Variants in RGS6 observed in about 807,000 individuals in gnomAD.
RGS6 encodes the protein regulator of G-protein signaling 6.
A neutral mutation model predicts 78.5 loss-of-function variants in RGS6; 30 were observed. The observed-to-expected ratio is 0.38, with a 90% confidence interval of 0.29 to 0.52. RGS6 has a LOEUF of 0.52. Among genes scored for constraint, RGS6 ranks in the 20% least tolerant of loss-of-function variants. RGS6 has a pLI of 0.85. For synonymous variants in RGS6, 206 were observed against 206.0 expected (o/e 1.00, Z 0.00); for missense variants, 495 against 609.7 (o/e 0.81, Z 1.98).
At chr14:72,005,278 A>G (rs977484742) in intron 2 of RGS6, among the ~76,000 whole-genome samples, 12 of 152,318 alleles carry the variant, frequency 7.9e-5, no homozygotes, top group African/African-American at 2.9e-4. Context: ...CCCTGAGTAT[A>G]AGAATTATGG....
chr14:72,246,935 A>G (rs1333555955), intron 2 of RGS6, among the ~76,000 whole-genome samples: 6 of 151,016 alleles, frequency 4.0e-5, no homozygotes, highest in Non-Finnish European at 5.9e-5. Context: ...TATTGAAGAC[A>G]ATTTTGTTGT....
chr14:72,334,379 A>C (rs2075651801), intron 2 of RGS6, among the ~76,000 whole-genome samples: 1 of 152,228 alleles, frequency 6.6e-6, no homozygotes, highest in Admixed American at 6.5e-5. Context: ...GGAAGCTGGC[A>C]GGGCAGGGGG....
At chr14:72,624,618 C>T in the RGS6 span, among the ~76,000 whole-genome samples, 2 of 152,186 alleles carry the variant, frequency 1.3e-5, no homozygotes, top group Admixed American at 6.5e-5. Context: ...GGATTACAGG[C>T]GTGAGCCACC....
the RGS6 span, among the ~76,000 whole-genome samples, chr14:71,927,025 T>C: frequency 1.3e-5 from 2 of 152,192 alleles, no homozygotes. Flanking sequence ...TCAAGTCATA[T>C]TACATGTGTA....
At chr14:72,455,605 CTT>C (rs34146772) in intron 4 of RGS6, among the ~76,000 whole-genome samples, 10,567 of 152,248 alleles carry the variant, frequency 0.069, 742 homozygotes, top group African/African-American at 0.16. Flanking sequence ...TGGCCCGAGT[CTT>C]TTCACCCCCT....
At chr14:72,452,871 G>A (rs1185672195) in intron 3 of RGS6, among the ~76,000 whole-genome samples, 1 of 152,216 alleles carries the variant, frequency 6.6e-6, no homozygotes, top group Non-Finnish European at 1.5e-5. Flanking sequence ...ACACAGTGCT[G>A]CTCTCAGAAC....
chr14:72,484,249 A>G (rs2096444490), intron 12 of RGS6, among the ~76,000 whole-genome samples: 1 of 152,252 alleles, frequency 6.6e-6, no homozygotes, highest in African/African-American at 2.4e-5. Flanking sequence ...TTTCTAAAGT[A>G]GGACTAATGG....
intron 2 of RGS6, among the ~76,000 whole-genome samples, chr14:72,285,326 G>A (rs1170197851): frequency 1.3e-5 from 2 of 152,118 alleles, no homozygotes; most frequent in African/African-American, 4.8e-5. Context: ...GAAGGACCTG[G>A]TGGGAGATAA....
intron 2 of RGS6, among the ~76,000 whole-genome samples, chr14:72,228,427 A>C (rs2153806129): frequency 6.6e-6 from 1 of 152,288 alleles, no homozygotes; most frequent in South Asian, 2.1e-4. Context: ...GAAGTAGGTT[A>C]CCATGTTAAC....
chr14:72,626,849 T>C, the RGS6 span, among the ~76,000 whole-genome samples: 15 of 152,254 alleles, frequency 9.9e-5, no homozygotes, highest in African/African-American at 3.6e-4. Context: ...TATATTGTCA[T>C]ACTTTTCAAC....
chr14:72,624,651 C>T, the RGS6 span, among the ~76,000 whole-genome samples: 1 of 152,178 alleles, frequency 6.6e-6, no homozygotes, highest in African/African-American at 2.4e-5. Flanking sequence ...CAACCTATGT[C>T]TCTTTACCAG....
intron 2 of RGS6, among the ~76,000 whole-genome samples, chr14:71,969,719 A>G (rs577081004): frequency 1.3e-5 from 2 of 152,362 alleles, no homozygotes; most frequent in Admixed American, 6.5e-5. Flanking sequence ...AAAATGAATT[A>G]TATGCACTCA....
chr14:72,294,291 T>C (rs2064249304), intron 2 of RGS6, among the ~76,000 whole-genome samples: 1 of 152,194 alleles, frequency 6.6e-6, no homozygotes, highest in Non-Finnish European at 1.5e-5. Context: ...AGCCACATGG[T>C]TCAAACATGG....
intron 3 of RGS6, among the ~76,000 whole-genome samples, chr14:72,446,864 T>C: frequency 6.6e-6 from 1 of 152,154 alleles, no homozygotes; most frequent in Non-Finnish European, 1.5e-5. Flanking sequence ...CTAATGCCAC[T>C]GCTGATCTGA....
intron 2 of RGS6, among the ~76,000 whole-genome samples, chr14:72,126,701 C>G (rs947554926): frequency 3.9e-5 from 6 of 152,178 alleles, no homozygotes; most frequent in Non-Finnish European, 7.3e-5. Flanking sequence ...ACATCAGAGC[C>G]TTGGAAGTGG....
intron 2 of RGS6, among the ~76,000 whole-genome samples, chr14:71,982,934 C>G (rs1046347561): frequency 1.3e-5 from 2 of 152,130 alleles, no homozygotes; most frequent in African/African-American, 4.8e-5. Context: ...GAAGGTGGAT[C>G]CATCTTTTAT....
rs555076029 is a variant in RGS6 at position 72,213,512 on chromosome 14, G to A, written c.85-138583G>A. ...AAATACTTACTAATTTGATTTGACC[G>A]CTGTAGTGAAGCTTGTCTCCTCCTC... On this transcript the variant is annotated intron_variant, in intron 2 of 17. Coordinates refer to ENST00000553525, the MANE Select transcript of RGS6 (RefSeq NM_001204424.2). Among the ~76,000 whole-genome samples, 9 of 152,180 alleles carry A rather than the reference G, an allele frequency of 5.9e-5. No individual in the cohort carries two copies. The East Asian group carries it at 1.2e-3, about 20-fold the overall frequency.
the RGS6 span, among the ~76,000 whole-genome samples, chr14:71,885,831 TCTGTTTAATACTAGTGGAAAG>T: frequency 3.1e-3 from 475 of 152,180 alleles, 5 homozygotes; most frequent in South Asian, 5.2e-3. Context: ...AGTGTCTCTC[TCTGTTTAATACTAGTGGAAAG>T]CTGTTTAATA....
the RGS6 span, chr14:72,594,958 T>C: frequency 6.6e-6 from 1 of 152,170 alleles, no homozygotes. Flanking sequence ...CCAGGCCCAG[T>C]CCTGTAGCTA....
Sources: gnomAD v4.1 joint callset for allele counts (sites outside exome capture counted in the v4.1 genomes callset) on GRCh38, gnomAD v4.1.1 for gene constraint, MANE v1.5 for transcripts, NCBI Gene and HGNC (gene_info 2026-07-23, HGNC 2026-07-21) for gene names.